Variants in CSNK1G3 observed in about 807,000 individuals in gnomAD.
The protein encoded by CSNK1G3 is casein kinase 1 gamma 3.
A neutral mutation model predicts 64.3 loss-of-function variants in CSNK1G3; 23 were observed. The ratio of observed to expected loss-of-function variants is 0.36; its 90% confidence interval spans 0.26 to 0.51. CSNK1G3 has a LOEUF of 0.51. CSNK1G3 is among the 20% of genes least tolerant of loss of function. The pLI, the probability that CSNK1G3 is intolerant of heterozygous loss-of-function variation, is 0.96. For synonymous variants in CSNK1G3, 158 were observed against 162.2 expected, an observed-to-expected ratio of 0.97 and a Z score of 0.20; for missense variants, 357 against 510.5, an observed-to-expected ratio of 0.70 and a Z score of 2.90.
chr5:123,531,374 A>T (rs969077608), intron 1 of CSNK1G3, among the ~76,000 whole-genome samples: 1 of 152,048 alleles, frequency 6.6e-6, no homozygotes, highest in Non-Finnish European at 1.5e-5. Flanking sequence ...TGGCTTTGTC[A>T]AGTCCTAAAT....
chr5:123,529,729 A>G (rs894942703), intron 1 of CSNK1G3, among the ~76,000 whole-genome samples: 4 of 152,194 alleles, frequency 2.6e-5, no homozygotes, highest in Non-Finnish European at 5.9e-5. Context: ...TTTCGGTAAT[A>G]AAAATTTAGC....
At chr5:123,526,873 T>G (rs531496230) in intron 1 of CSNK1G3, among the ~76,000 whole-genome samples, 7 of 129,572 alleles carry the variant, frequency 5.4e-5, no homozygotes, top group Non-Finnish European at 9.8e-5. Flanking sequence ...TGTGTGTGTG[T>G]GTGTGTGTAT....
At chr5:123,523,785 G>T (rs886271264) in intron 1 of CSNK1G3, among the ~76,000 whole-genome samples, 3 of 152,142 alleles carry the variant, frequency 2.0e-5, no homozygotes, top group African/African-American at 7.2e-5. Flanking sequence ...TTTTCTGTGT[G>T]TTTGGTACAA....
At chr5:123,569,594 C>T (rs1212463918) in intron 4 of CSNK1G3, among the ~76,000 whole-genome samples, 1 of 152,138 alleles carries the variant, frequency 6.6e-6, no homozygotes, top group Non-Finnish European at 1.5e-5. Flanking sequence ...TTCATCAGAA[C>T]AAGCTTTTAA....
At chr5:123,577,001 TTCTTA>T (rs1390334175) in intron 6 of CSNK1G3, among the ~76,000 whole-genome samples, 11 of 152,218 alleles carry the variant, frequency 7.2e-5, no homozygotes, top group Non-Finnish European at 1.2e-4. Context: ...AACTTATTAA[TTCTTA>T]TCTTATTTAA....
chr5:123,583,461 A>G (rs1212267261), intron 6 of CSNK1G3, among the ~76,000 whole-genome samples: 3 of 152,110 alleles, frequency 2.0e-5, no homozygotes, highest in African/African-American at 7.2e-5. Context: ...CCCAGATTCA[A>G]GCGATTCTCC....
intron 1 of CSNK1G3, among the ~76,000 whole-genome samples, chr5:123,542,054 C>A (rs930393482): frequency 2.0e-5 from 3 of 151,824 alleles, no homozygotes; most frequent in South Asian, 4.2e-4. Context: ...AATGTGGAAC[C>A]ACATAATTCT....
chr5:123,577,048 T>C (rs760066346), intron 6 of CSNK1G3, among the ~76,000 whole-genome samples: 5 of 152,126 alleles, frequency 3.3e-5, no homozygotes, highest in Non-Finnish European at 7.4e-5. Flanking sequence ...TCATTATTTA[T>C]TCTGATAGCC....
chr5:123,545,600 A>C, exon 2 of CSNK1G3: 1 of 1,385,074 alleles, frequency 7.2e-7, no homozygotes, highest in African/African-American at 1.4e-5. Flanking sequence ...CTATTTTCAC[A>C]ATACCCTGTT....
At chr5:123,522,041 A>C (rs1778201908) in intron 1 of CSNK1G3, among the ~76,000 whole-genome samples, 1 of 152,216 alleles carries the variant, frequency 6.6e-6, no homozygotes, top group South Asian at 2.1e-4. Context: ...GCCCTTTAAA[A>C]AAATGGCTTT....
intron 4 of CSNK1G3, 91 bp from the exon 5 acceptor site, chr5:123,573,302 A>C (rs781573285): frequency 8.9e-5 from 123 of 1,384,618 alleles, no homozygotes; most frequent in Non-Finnish European, 1.2e-4. Context: ...TTAGTTCTTG[A>C]AACTATAAAA....
chr5:123,612,215 G>A (rs1028950216), intron 12 of CSNK1G3, among the ~76,000 whole-genome samples: 12 of 151,972 alleles, frequency 7.9e-5, no homozygotes, highest in Admixed American at 2.0e-4. Context: ...CGGTCTAGTC[G>A]GTGTTTACTG....
chr5:123,523,747 C>T (rs1778542046), intron 1 of CSNK1G3, among the ~76,000 whole-genome samples: 1 of 152,202 alleles, frequency 6.6e-6, no homozygotes, highest in African/African-American at 2.4e-5. Context: ...ACAGTTCTAA[C>T]ATCCACAGCA....
exon 5 of CSNK1G3, chr5:123,573,539 C>T: frequency 6.3e-7 from 1 of 1,593,678 alleles, no homozygotes; most frequent in Non-Finnish European, 8.5e-7. Context: ...AGCTATACAA[C>T]TGGTAAGTAA....
At chr5:123,577,986 G>A (rs866271433) in intron 6 of CSNK1G3, among the ~76,000 whole-genome samples, 2 of 151,762 alleles carry the variant, frequency 1.3e-5, no homozygotes, top group Non-Finnish European at 2.9e-5. Flanking sequence ...ACTTCTTTTG[G>A]TGGGTATAAT....
chr5:123,600,938 G>A (rs1027072827), intron 10 of CSNK1G3, among the ~76,000 whole-genome samples: 4 of 149,466 alleles, frequency 2.7e-5, no homozygotes, highest in Admixed American at 1.3e-4. Context: ...AATAAGAACC[G>A]TATTAAGTTT....
intron 10 of CSNK1G3, among the ~76,000 whole-genome samples, chr5:123,591,731 T>C (rs1792406448): frequency 6.6e-6 from 1 of 152,106 alleles, no homozygotes; most frequent in Non-Finnish European, 1.5e-5. Flanking sequence ...CAATAAATTA[T>C]TTATTGAATT....
intron 4 of CSNK1G3, among the ~76,000 whole-genome samples, chr5:123,558,259 G>A (rs1259680026): frequency 1.3e-5 from 2 of 152,140 alleles, no homozygotes; most frequent in East Asian, 1.9e-4. Flanking sequence ...TACAGCAGCC[G>A]TAGGCAACTA....
chr5:123,566,664 TTTAAG>T (rs1786944918), intron 4 of CSNK1G3, among the ~76,000 whole-genome samples: 1 of 152,184 alleles, frequency 6.6e-6, no homozygotes, highest in Admixed American at 6.5e-5. Flanking sequence ...CTCTTAAAAA[TTTAAG>T]TTGTTTGCTC....
Sources: gnomAD v4.1 joint callset for allele counts (sites outside exome capture counted in the v4.1 genomes callset) on GRCh38, gnomAD v4.1.1 for gene constraint, MANE v1.5 for transcripts, NCBI Gene and HGNC (gene_info 2026-07-23, HGNC 2026-07-21) for gene names.